Variants in EXOC2 observed in about 807,000 individuals in gnomAD.
EXOC2 encodes the protein exocyst complex component 2, also known as SEC5-like 1.
In EXOC2, 70 loss-of-function variants were observed where a neutral mutation model predicts 131.8. That is an observed-to-expected ratio of 0.53 (90% CI 0.44 to 0.65). EXOC2 has a LOEUF of 0.65. EXOC2 is among the 30% of genes least tolerant of loss of function. The pLI is 0.00. For synonymous variants in EXOC2, 411 were observed against 398.4 expected, an observed-to-expected ratio of 1.03 and a Z score of -0.38; for missense variants, 923 against 1,108.6, an observed-to-expected ratio of 0.83 and a Z score of 2.38.
chr6:685,354 A>C (rs7768391), intron 1 of EXOC2, among the ~76,000 whole-genome samples: 21,758 of 152,168 alleles, frequency 0.14, 1,719 homozygotes, highest in African/African-American at 0.21. Flanking sequence ...TCAGGGCACC[A>C]TAAAATATAA....
At chr6:664,191 A>AAAAAT (rs1763537637) in intron 1 of EXOC2, among the ~76,000 whole-genome samples, 1 of 152,216 alleles carries the variant, frequency 6.6e-6, no homozygotes, top group African/African-American at 2.4e-5. Context: ...CTATAGCTGC[A>AAAAAT]AAAATAAAAT....
intron 7 of EXOC2, among the ~76,000 whole-genome samples, chr6:608,631 C>T (rs1174290525): frequency 2.0e-5 from 3 of 152,146 alleles, no homozygotes; most frequent in African/African-American, 7.2e-5. Context: ...GGGACGATTT[C>T]TCAAACTACT....
At chr6:564,225 CTG>C (rs1349479220) in intron 15 of EXOC2, 71 bp from the exon 16 acceptor site, 2 of 1,567,402 alleles carry the variant, frequency 1.3e-6, no homozygotes, top group African/African-American at 2.7e-5. Flanking sequence ...ATCTCTTTCA[CTG>C]TATAATCATT....
At chr6:579,542 G>A (rs546614596) in intron 11 of EXOC2, among the ~76,000 whole-genome samples, 4 of 152,268 alleles carry the variant, frequency 2.6e-5, no homozygotes, top group East Asian at 3.9e-4. Context: ...AGAAGGTAGC[G>A]CTTCACAGCT....
At position 595,680 on chromosome 6, in the gene EXOC2, A is replaced by C. The variant is rs900072590; in HGVS notation, c.1073+2341T>G. ...ATTTGTACACTCAACAAGATTTAAC[A>C]CACTACTATAGGCAAGTTTAACATA... On this transcript the variant is annotated intron_variant, in intron 10 of 27. Transcript: ENST00000230449. Among the ~76,000 whole-genome samples, 24 of 152,042 alleles carry C rather than the reference A, an allele frequency of 1.6e-4. 1 individual carries two copies. Among genetic ancestry groups the C allele is most frequent in the African/African-American group, 5.6e-4 (23 of 41,302 alleles).
intron 2 of EXOC2, among the ~76,000 whole-genome samples, chr6:634,263 T>C (rs887351454): frequency 3.9e-5 from 6 of 152,138 alleles, no homozygotes; most frequent in Admixed American, 3.9e-4. Flanking sequence ...TTTTGTATTT[T>C]TTTTAGAGAC....
At chr6:541,792 T>C (rs1756562695) in intron 22 of EXOC2, among the ~76,000 whole-genome samples, 1 of 152,190 alleles carries the variant, frequency 6.6e-6, no homozygotes, top group Non-Finnish European at 1.5e-5. Flanking sequence ...GGCCAGTCAT[T>C]AGCAATCATC....
chr6:618,047 T>C (rs1761101688), intron 5 of EXOC2, among the ~76,000 whole-genome samples: 2 of 152,356 alleles, frequency 1.3e-5, no homozygotes, highest in South Asian at 2.1e-4. Context: ...TTACAACAGC[T>C]ACAAGACTTT....
rs1461480488 is a variant in EXOC2, at chr6:564,880, C to T, written c.1493G>A (p.Arg498Lys). ...CTTACTCACCTTAAAATCATTTTGT[C>T]TTTGCCTTACATTCTTTGATCTTTC... is the stretch of plus-strand genomic sequence containing the variant. ...QIERSKNVRQ[R>K]QNDFKKMIQE... Residue 498 changes from arginine to lysine, a missense_variant, in exon 14 of 28, where the codon AGA (arginine) becomes AAA (lysine). By Grantham distance (26) the Arg-to-Lys change is conservative. Coordinates refer to ENST00000230449, the MANE Select transcript of EXOC2 (RefSeq NM_018303.6). The T allele has an allele frequency of 1.2e-6, 2 of 1,612,914 alleles. No individual in the cohort carries two copies. The highest frequency in any genetic ancestry group is 8.5e-7 in the Non-Finnish European group (1 of 1,179,634).
intron 6 of EXOC2, among the ~76,000 whole-genome samples, chr6:613,882 T>TTAAA (rs894713136): frequency 6.6e-6 from 1 of 151,580 alleles, no homozygotes; most frequent in South Asian, 2.1e-4. Context: ...AAAGTATAAT[T>TTAAA]TAAATAAATA....
Position 651,780 on chromosome 6 carries a change from G to A in EXOC2, c.-43-13919C>T, listed in dbSNP as rs181844889. Among the ~76,000 whole-genome samples, 561 of 150,480 alleles carry A rather than the reference G, an allele frequency of 3.7e-3. 3 individuals are homozygous for A. Among genetic ancestry groups the A allele is most frequent in the Middle Eastern group, 0.026 (7 of 272 alleles). Reference sequence around the variant, plus strand: ...GCTTGATTAAAAATCTTCACAGGCCGGGCACAGTGGCTCACGCCTGTAACC... The same window carrying A: ...GCTTGATTAAAAATCTTCACAGGCCAGGCACAGTGGCTCACGCCTGTAACC... On this transcript the variant is annotated intron_variant, in intron 1 of 27. Coordinates refer to ENST00000230449, the MANE Select transcript of EXOC2 (RefSeq NM_018303.6).
At chr6:491,297 T>A in intron 25 of EXOC2, 111 bp from the exon 26 acceptor site, 1 of 1,053,110 alleles carries the variant, frequency 9.5e-7, no homozygotes, top group Non-Finnish European at 1.5e-6. Context: ...GGGGTTGGCG[T>A]AATACCACCA....
chr6:618,141 T>C (rs1191256937), intron 5 of EXOC2, among the ~76,000 whole-genome samples: 1 of 151,412 alleles, frequency 6.6e-6, no homozygotes, highest in Non-Finnish European at 1.5e-5. Flanking sequence ...ATATAATATA[T>C]ACAATTTACC....
intron 11 of EXOC2, among the ~76,000 whole-genome samples, chr6:579,072 T>C (rs1758744187): frequency 6.6e-6 from 1 of 152,162 alleles, no homozygotes; most frequent in South Asian, 2.1e-4. Flanking sequence ...CTTTAAACTG[T>C]TACATTTCAC....
chr6:625,858 C>A (rs1475993126), intron 4 of EXOC2, among the ~76,000 whole-genome samples: 1 of 151,998 alleles, frequency 6.6e-6, no homozygotes, highest in Admixed American at 6.5e-5. Flanking sequence ...TAATAAGTCA[C>A]AAAAACAGTT....
At position 556,541 on chromosome 6, in the gene EXOC2, G is replaced by A. The variant is rs768230110; in HGVS notation, c.1875C>T (p.Ile625=). 1.9e-6 allele frequency: 3 copies of A among 1,614,108 alleles called. No homozygotes were observed. The Admixed American group carries it at 5.0e-5, about 27-fold the overall frequency. ...CCTTCAGTGACTGCAGAGAACACAC[G>A]ATGCACTGTTCAAACTGACATGGCT... ...TSLPCQFEQC[I]VCSLQSLKGV... Residue 625 remains isoleucine (I), a synonymous_variant, in exon 18 of 28, where the codon ATC becomes ATT. Transcript: ENST00000230449.
intron 23 of EXOC2, among the ~76,000 whole-genome samples, chr6:510,008 T>C (rs1200307471): frequency 6.6e-6 from 1 of 152,072 alleles, no homozygotes; most frequent in Non-Finnish European, 1.5e-5. Context: ...ATTGTCAAAC[T>C]GAAACACTAC....
intron 21 of EXOC2, among the ~76,000 whole-genome samples, chr6:549,601 C>G (rs1757039890): frequency 6.6e-6 from 1 of 152,184 alleles, no homozygotes; most frequent in African/African-American, 2.4e-5. Context: ...GAACTGGGAT[C>G]AGTGTTGCTT....
At chr6:628,008 T>C (rs1366828846) in intron 4 of EXOC2, among the ~76,000 whole-genome samples, 1 of 152,224 alleles carries the variant, frequency 6.6e-6, no homozygotes, top group Non-Finnish European at 1.5e-5. Context: ...ACTTTTCCTA[T>C]GTGGCAGAAC....
Sources: allele counts gnomAD v4.1 joint callset (sites outside exome capture counted in the v4.1 genomes callset), GRCh38; gene constraint gnomAD v4.1.1; transcripts MANE v1.5; gene names NCBI Gene and HGNC (gene_info 2026-07-23, HGNC 2026-07-21).